The following TMEM232 variants were observed in gnomAD, a reference collection of about 807,000 sequenced individuals.
TMEM232 encodes the protein transmembrane protein 232.
A neutral mutation model predicts 78.8 loss-of-function variants in TMEM232; 80 were observed. The ratio of observed to expected loss-of-function variants is 1.01; its 90% confidence interval spans 0.85 to 1.22. The LOEUF is 1.22. Ranked by LOEUF, TMEM232 falls within the 50% of genes most tolerant of loss-of-function variation. The pLI is 0.00. For synonymous variants in TMEM232, 297 were observed against 254.3 expected (o/e 1.17, Z -1.60); for missense variants, 881 against 742.2 (o/e 1.19, Z -2.17).
At chr5:110,713,281 T>C (rs557680236) in intron 1 of TMEM232, among the ~76,000 whole-genome samples, 1 of 152,168 alleles carries the variant, frequency 6.6e-6, no homozygotes, top group Admixed American at 6.5e-5. Flanking sequence ...GAAGTGAGGA[T>C]GGTTAATAAG....
chr5:110,483,309 A>G (rs186474484), intron 12 of TMEM232, among the ~76,000 whole-genome samples: 1 of 152,314 alleles, frequency 6.6e-6, no homozygotes, highest in Admixed American at 6.5e-5. Flanking sequence ...AACCTTGAAA[A>G]TGGTAAAATG....
In TMEM232 at chr5:110,618,452, C is replaced by T; in HGVS notation, c.879G>A (p.Lys293=). Residue 293 remains lysine (K), a synonymous_variant, in exon 8 of 14, where the codon AAG becomes AAA. Transcript: ENST00000455884. ...ACCAGCATTTCTTTTGAAGCTGTGT[C>T]TTATGGAAGACGAGATGTTCAAGCA... ...NNVLEHLVFH[K]TQLQKKCWLD... is the part of the protein sequence containing the mutation. 6.4e-7 allele frequency: 1 copy of T among 1,551,042 alleles called. No individual in the cohort carries two copies. Among genetic ancestry groups the T allele is most frequent in the Non-Finnish European group, 8.7e-7 (1 of 1,146,702 alleles).
intron 2 of TMEM232, among the ~76,000 whole-genome samples, chr5:110,408,664 A>G (rs1037414306): frequency 6.6e-6 from 1 of 152,190 alleles, no homozygotes; most frequent in South Asian, 2.1e-4. Flanking sequence ...AAATATAAAC[A>G]AAATTCACAA....
At chr5:110,487,052 A>G (rs925295500) in intron 12 of TMEM232, among the ~76,000 whole-genome samples, 1 of 150,590 alleles carries the variant, frequency 6.6e-6, no homozygotes, top group Non-Finnish European at 1.5e-5. Context: ...TATATTCCTA[A>G]GAATTTTTTT....
At chr5:110,412,192 C>T (rs1210359001) in intron 2 of TMEM232, among the ~76,000 whole-genome samples, 1 of 152,128 alleles carries the variant, frequency 6.6e-6, no homozygotes, top group African/African-American at 2.4e-5. Flanking sequence ...ATAATTTTAA[C>T]ATTAAAAACA....
At chr5:110,419,460 C>T (rs879025760), downstream of TMEM232, among the ~76,000 whole-genome samples, 1 of 152,090 alleles carries the variant, frequency 6.6e-6, no homozygotes, top group Non-Finnish European at 1.5e-5. Flanking sequence ...AACTTCTTAA[C>T]TTGAAAATAT....
At chr5:110,639,246 T>A (rs1484796331) in intron 4 of TMEM232, among the ~76,000 whole-genome samples, 1 of 152,052 alleles carries the variant, frequency 6.6e-6, no homozygotes, top group African/African-American at 2.4e-5. Context: ...GATTACAGAA[T>A]GAGGAGCAGA....
chr5:110,627,233 A>G lies in TMEM232; in HGVS notation c.601+548T>C, dbSNP rs545318767. Among the ~76,000 whole-genome samples, 18 of 152,200 alleles carry G rather than the reference A, an allele frequency of 1.2e-4. No individual in the cohort carries two copies. In the East Asian group the frequency reaches 3.3e-3, roughly 28 times the overall value. ...ACATATAGCTTAGATTCAGTGGATCACCAAGTCCAGAACCTTACTAAAATA... is the reference window on the plus strand; with the variant it reads ...ACATATAGCTTAGATTCAGTGGATCGCCAAGTCCAGAACCTTACTAAAATA... On this transcript the variant is annotated intron_variant, in intron 6 of 13. Coordinates refer to ENST00000455884, the MANE Select transcript of TMEM232 (RefSeq NM_001039763.4).
At chr5:110,589,264 A>G (rs1163767347) in intron 10 of TMEM232, among the ~76,000 whole-genome samples, 2 of 152,156 alleles carry the variant, frequency 1.3e-5, no homozygotes, top group East Asian at 3.8e-4. Flanking sequence ...GGTTTTCTCA[A>G]TCTATAACAT....
chr5:110,638,260 T>G lies in TMEM232; in HGVS notation c.439A>C (p.Arg147=). The G allele has an allele frequency of 1.9e-6, 3 of 1,550,774 alleles. No individual in the cohort carries two copies. Among genetic ancestry groups the G allele is most frequent in the Non-Finnish European group, 2.6e-6 (3 of 1,146,478 alleles). Reference sequence around the variant, plus strand: ...TTGAGGGATGCATCACAACACAGTCTGTATAAAACCGATTCCGCAACAAAA... The same window carrying G: ...TTGAGGGATGCATCACAACACAGTCGGTATAAAACCGATTCCGCAACAAAA... ...LFFVAESVLY[R]LCCDASLKTY... The change falls in exon 5 of 14, where the codon AGA becomes CGA. Residue 147 remains arginine, a synonymous_variant. Transcript: ENST00000455884.
chr5:110,692,707 C>G (rs1181615269), intron 1 of TMEM232, among the ~76,000 whole-genome samples: 1 of 152,184 alleles, frequency 6.6e-6, no homozygotes, highest in African/African-American at 2.4e-5. Flanking sequence ...TCATTGCTAG[C>G]ACAGCAGTCT....
chr5:110,460,413 A>C (rs1207122764), intron 12 of TMEM232, among the ~76,000 whole-genome samples: 1 of 152,112 alleles, frequency 6.6e-6, no homozygotes, highest in South Asian at 2.1e-4. Context: ...TCTCTATAGT[A>C]ATCTCACAAC....
chr5:110,505,942 G>A (rs552752686), intron 12 of TMEM232, among the ~76,000 whole-genome samples: 3 of 152,174 alleles, frequency 2.0e-5, no homozygotes, highest in Admixed American at 2.0e-4. Context: ...AGTATGAAAA[G>A]TGAAGGAACC....
chr5:110,653,710 A>G (rs916293273), intron 2 of TMEM232, among the ~76,000 whole-genome samples: 37 of 152,178 alleles, frequency 2.4e-4, no homozygotes, highest in African/African-American at 8.4e-4. Flanking sequence ...TTTGGCCCAC[A>G]TGACTGGAAG....
intron 1 of TMEM232, among the ~76,000 whole-genome samples, chr5:110,712,105 CAAAAAAAA>C (rs61482697): frequency 9.2e-5 from 6 of 65,414 alleles, no homozygotes; most frequent in Admixed American, 1.5e-4. Flanking sequence ...GACTCAATCT[CAAAAAAAA>C]AAAAAAAAAA....
intron 2 of TMEM232, among the ~76,000 whole-genome samples, chr5:110,646,172 T>C (rs77159230): frequency 0.013 from 1,983 of 151,830 alleles, 37 homozygotes; most frequent in African/African-American, 0.045. Flanking sequence ...CCCAAAGAGA[T>C]CTAAGACTCA....
Position 110,600,263 on chromosome 5 carries a change from A to C in TMEM232, c.1276+4846T>G, listed in dbSNP as rs184311994. Among the ~76,000 whole-genome samples the C allele has an allele frequency of 1.6e-3, 241 of 152,296 alleles. 1 individual carries two copies. The highest frequency in any genetic ancestry group is 0.01 in the Middle Eastern group (3 of 294). On this transcript the variant is annotated intron_variant, in intron 10 of 13. Coordinates refer to ENST00000455884, the MANE Select transcript of TMEM232 (RefSeq NM_001039763.4). ...TCACAGTTAAAAGAAGTAGAGAAGC[A>C]AGAATAAATAAATTCAAAAGCGAGC... is the stretch of plus-strand genomic sequence containing the variant.
In TMEM232 at chr5:110,636,500, A is replaced by G. The variant is rs755624933; in HGVS notation, c.501+1698T>C. Among the ~76,000 whole-genome samples the G allele has an allele frequency of 6.7e-4, 102 of 152,052 alleles. 1 individual carries two copies. The highest frequency in any genetic ancestry group is 1.3e-4 in the Non-Finnish European group (9 of 67,906). On this transcript the variant is annotated intron_variant, in intron 5 of 13. Transcript: ENST00000455884. ...TGTTCATTACACATGCTAGTCATGT[A>G]ACAAACACTAACATGTACTTCATAA...
chr5:110,562,047 A>G (rs950749192), intron 11 of TMEM232, among the ~76,000 whole-genome samples: 10 of 152,144 alleles, frequency 6.6e-5, no homozygotes, highest in Non-Finnish European at 1.0e-4. Flanking sequence ...TAAATTGGAA[A>G]TAATTACTCT....
Sources: gnomAD v4.1 joint callset for allele counts (sites outside exome capture counted in the v4.1 genomes callset) on GRCh38, gnomAD v4.1.1 for gene constraint, MANE v1.5 for transcripts, NCBI Gene and HGNC (gene_info 2026-07-23, HGNC 2026-07-21) for gene names.